The following NRCAM variants were observed in gnomAD, a reference collection of about 807,000 sequenced individuals.
The protein encoded by NRCAM is NgCAM-related cell adhesion molecule.
NRCAM carries 83 observed loss-of-function variants against 156.5 expected under a neutral mutation model. The ratio of observed to expected loss-of-function variants is 0.53; its 90% confidence interval spans 0.44 to 0.64. NRCAM has a LOEUF of 0.64. NRCAM is among the 30% of genes least tolerant of loss of function. The pLI is 0.00. For synonymous variants in NRCAM, 538 were observed against 563.9 expected (o/e 0.95, Z 0.65); for missense variants, 1,417 against 1,597.3 (o/e 0.89, Z 1.92).
chr7:108,449,806 G>C (rs1848308806), intron 1 of NRCAM, among the ~76,000 whole-genome samples: 1 of 152,022 alleles, frequency 6.6e-6, no homozygotes, highest in Non-Finnish European at 1.5e-5. Flanking sequence ...TGAATTTTTT[G>C]AATGCTCTCA....
At chr7:108,176,204 A>G (rs548895409) in intron 27 of NRCAM, among the ~76,000 whole-genome samples, 1 of 152,248 alleles carries the variant, frequency 6.6e-6, no homozygotes, top group South Asian at 2.1e-4. Flanking sequence ...TCACTCCCAC[A>G]CTAAGATTTT....
chr7:108,207,555 A>G lies in NRCAM; in HGVS notation c.1180T>C (p.Trp394Arg). The stretch of plus-strand genomic sequence containing the variant: ...TCTATTGGGACTCCATTTGTTAACC[A>G]GCTAATTCTGGGTTTGGGGTTGCCA... ...ANGNPKPRISWLTNGVPIEIA... is the reference protein window; with the variant it reads ...ANGNPKPRISRLTNGVPIEIA... The change falls in exon 13 of 33, where the codon TGG (tryptophan) becomes CGG (arginine). Residue 394 changes from tryptophan (W) to arginine (R), a missense_variant. Physicochemically the swap from Trp to Arg is moderately radical, Grantham distance 101. Coordinates refer to ENST00000379028, the MANE Select transcript of NRCAM (RefSeq NM_001037132.4). The G allele has an allele frequency of 6.2e-7, 1 of 1,614,048 alleles. No homozygotes were observed. The highest frequency in any genetic ancestry group is 8.5e-7 in the Non-Finnish European group (1 of 1,179,974).
intron 11 of NRCAM, among the ~76,000 whole-genome samples, chr7:108,214,085 T>C (rs980598928): frequency 2.0e-5 from 3 of 152,224 alleles, no homozygotes; most frequent in Non-Finnish European, 4.4e-5. Flanking sequence ...TGCCAGGTTT[T>C]GGTATCAGGA....
chr7:108,348,640 G>A (rs868713062), intron 2 of NRCAM, among the ~76,000 whole-genome samples: 42 of 152,228 alleles, frequency 2.8e-4, no homozygotes, highest in Admixed American at 3.9e-4. Flanking sequence ...GGGGCCGGGC[G>A]TAGCAGCTCA....
intron 1 of NRCAM, among the ~76,000 whole-genome samples, chr7:108,418,560 T>TAC (rs59582056): frequency 0.22 from 30,917 of 143,448 alleles, 3,253 homozygotes; most frequent in South Asian, 0.32. Flanking sequence ...ATACATATTA[T>TAC]ACACACACAC....
intron 26 of NRCAM, among the ~76,000 whole-genome samples, chr7:108,177,405 C>T (rs1331164321): frequency 2.0e-5 from 3 of 151,980 alleles, no homozygotes; most frequent in Non-Finnish European, 2.9e-5. Flanking sequence ...GGGCAGATCA[C>T]GAGGTCAGGA....
chr7:108,213,711 G>A (rs1320958522), intron 11 of NRCAM, among the ~76,000 whole-genome samples: 2 of 152,256 alleles, frequency 1.3e-5, no homozygotes, highest in Middle Eastern at 3.4e-3. Context: ...TGTCGAACAG[G>A]AAAATATCAC....
chr7:108,426,738 T>C (rs531481412), intron 1 of NRCAM, among the ~76,000 whole-genome samples: 1 of 152,326 alleles, frequency 6.6e-6, no homozygotes, highest in South Asian at 2.1e-4. Context: ...AATACTTTGG[T>C]ATTATTTGTT....
At chr7:108,431,655 T>C (rs1825348037) in intron 1 of NRCAM, among the ~76,000 whole-genome samples, 1 of 152,036 alleles carries the variant, frequency 6.6e-6, no homozygotes, top group Non-Finnish European at 1.5e-5. Flanking sequence ...CACGGTGACA[T>C]GCACCCGTAG....
chr7:108,350,823 G>C (rs1158262648), intron 2 of NRCAM, among the ~76,000 whole-genome samples: 1 of 151,876 alleles, frequency 6.6e-6, no homozygotes, highest in Non-Finnish European at 1.5e-5. Context: ...CCAGTAGACA[G>C]CTTGTCATAA....
chr7:108,238,849 A>G (rs1159568091), intron 4 of NRCAM, among the ~76,000 whole-genome samples: 1 of 152,042 alleles, frequency 6.6e-6, no homozygotes, highest in East Asian at 1.9e-4. Context: ...GCACAGCAAA[A>G]AGTCAACAAA....
At position 108,350,462 on chromosome 7, in the gene NRCAM, A is replaced by G. The variant is rs79222663; in HGVS notation, c.-173-37731T>C. On this transcript the variant is annotated intron_variant, in intron 2 of 32. Transcript: ENST00000379028. ...ATTGGCTGAGTTGATGTCTCAGTCAATGACCAATGGCAGTTTGTATATAAA... is the reference window on the plus strand; with the variant it reads ...ATTGGCTGAGTTGATGTCTCAGTCAGTGACCAATGGCAGTTTGTATATAAA... Among the ~76,000 whole-genome samples, 1,251 of 152,340 alleles carry G rather than the reference A, an allele frequency of 8.2e-3. 11 individuals are homozygous for G. Among genetic ancestry groups the G allele is most frequent in the African/African-American group, 0.029 (1,186 of 41,584 alleles).
chr7:108,189,012 C>T (rs1378863945), intron 20 of NRCAM, among the ~76,000 whole-genome samples: 1 of 150,086 alleles, frequency 6.7e-6, no homozygotes, highest in African/African-American at 2.4e-5. Flanking sequence ...CGAAGCTTAC[C>T]TATAGTCTAA....
intron 3 of NRCAM, among the ~76,000 whole-genome samples, chr7:108,291,425 A>G (rs1314319344): frequency 6.6e-6 from 1 of 152,206 alleles, no homozygotes. Context: ...ACCAGAGATT[A>G]ATACAGTGTA....
At chr7:108,332,757 T>C (rs2099139769) in intron 2 of NRCAM, among the ~76,000 whole-genome samples, 1 of 152,214 alleles carries the variant, frequency 6.6e-6, no homozygotes, top group South Asian at 2.1e-4. Context: ...ACATGGGGTG[T>C]GTCAATACAA....
At chr7:108,384,780 T>A (rs928333830) in intron 2 of NRCAM, among the ~76,000 whole-genome samples, 7 of 152,210 alleles carry the variant, frequency 4.6e-5, no homozygotes, top group African/African-American at 1.7e-4. Flanking sequence ...TGACCAAGCT[T>A]TCAGTAACAT....
At chr7:108,327,239 A>G (rs1325374817) in intron 2 of NRCAM, among the ~76,000 whole-genome samples, 1 of 152,190 alleles carries the variant, frequency 6.6e-6, no homozygotes, top group African/African-American at 2.4e-5. Context: ...TGCTCAGTCT[A>G]GTCTCTCTAA....
chr7:108,287,766 G>A (rs1202844972), intron 3 of NRCAM, among the ~76,000 whole-genome samples: 4 of 152,032 alleles, frequency 2.6e-5, no homozygotes, highest in African/African-American at 9.7e-5. Context: ...TACACTGTTG[G>A]TGGGAATGTA....
intron 3 of NRCAM, among the ~76,000 whole-genome samples, chr7:108,306,893 T>A (rs1317726195): frequency 1.3e-5 from 2 of 152,184 alleles, no homozygotes; most frequent in East Asian, 3.8e-4. Flanking sequence ...CTGTACTCCA[T>A]AAGTATTTTC....
Sources: gnomAD v4.1 joint callset for allele counts (sites outside exome capture counted in the v4.1 genomes callset) on GRCh38, gnomAD v4.1.1 for gene constraint, MANE v1.5 for transcripts, NCBI Gene and HGNC (gene_info 2026-07-23, HGNC 2026-07-21) for gene names.